PGM1: variants seen among roughly 807,000 people sequenced by gnomAD.
The protein encoded by PGM1 is phosphoglucomutase-1.
Under a neutral mutation model 55.6 loss-of-function variants are expected in PGM1, and 52 were observed. That is an observed-to-expected ratio of 0.94 (90% CI 0.75 to 1.18). PGM1 has a LOEUF of 1.18. Among genes scored for constraint, PGM1 ranks in the 50% most tolerant of loss-of-function variants. PGM1 has a pLI of 0.00. For missense variants in PGM1, 724 were observed against 729.3 expected, an observed-to-expected ratio of 0.99 and a Z score of 0.08; for synonymous variants, 287 against 271.7, an observed-to-expected ratio of 1.06 and a Z score of -0.55.
intron 1 of PGM1, chr1:63,623,819 G>C: frequency 8.2e-7 from 1 of 1,214,346 alleles, no homozygotes; most frequent in Non-Finnish European, 1.2e-6. Context: ...TAATTTTACA[G>C]AAGTATACAA....
At position 63,651,288 on chromosome 1, in the gene PGM1, C is replaced by T. The variant is rs539662669; in HGVS notation, c.1281-381C>T. On this transcript the variant is annotated intron_variant, in intron 8 of 10. Coordinates refer to ENST00000371084, the MANE Select transcript of PGM1 (RefSeq NM_002633.3). Reference sequence around the variant, plus strand: ...GCTTGGAGGAGAAGTGCCTGAGTCACGTGCTCCTTTCAAGAGAGTTCTCCA... The same window carrying T: ...GCTTGGAGGAGAAGTGCCTGAGTCATGTGCTCCTTTCAAGAGAGTTCTCCA... 11 of 227,874 alleles carry T rather than the reference C, an allele frequency of 4.8e-5. No homozygotes were observed. The East Asian group carries it at 1.1e-3, about 23-fold the overall frequency. The allele number at this position is 227,874 out of a possible 1,614,324, so 14.1% of individuals were successfully genotyped here.
intron 1 of PGM1, among the ~76,000 whole-genome samples, chr1:63,595,990 C>T (rs1428188451): frequency 6.6e-6 from 1 of 152,188 alleles, no homozygotes; most frequent in African/African-American, 2.4e-5. Context: ...CTTCTGCCCC[C>T]TCCACTACTC....
chr1:63,655,270 G>A (rs576656593), intron 10 of PGM1, among the ~76,000 whole-genome samples: 1 of 152,092 alleles, frequency 6.6e-6, no homozygotes, highest in South Asian at 2.1e-4. Context: ...GTGAGCCACT[G>A]CACCCAACCC....
At chr1:63,635,961 C>T (rs1016481281) in intron 5 of PGM1, among the ~76,000 whole-genome samples, 2 of 152,320 alleles carry the variant, frequency 1.3e-5, no homozygotes, top group Admixed American at 6.5e-5. Flanking sequence ...AGTTAGCTGG[C>T]CTCTGGAGGG....
rs773364404 is a variant in PGM1, at chr1:63,629,994, T to C, written c.462T>C (p.Ile154=). 6.2e-7 allele frequency: 1 copy of C among 1,614,034 alleles called. No individual in the cohort carries two copies. The highest frequency in any genetic ancestry group is 1.1e-5 in the South Asian group (1 of 91,088). The part of the protein sequence containing the change: ...TDKIFQISKT[I]EEYAVCPDLK... Reference sequence around the variant, plus strand: ...AAATTTTCCAAATCAGCAAGACAATTGAAGAATATGCAGTTTGCCCTGACC... The same window carrying C: ...AAATTTTCCAAATCAGCAAGACAATCGAAGAATATGCAGTTTGCCCTGACC... Residue 154 remains isoleucine, a synonymous_variant, in exon 3 of 11, where the codon ATT becomes ATC. Coordinates refer to ENST00000371084, the MANE Select transcript of PGM1 (RefSeq NM_002633.3).
rs371814836 is a variant in PGM1, at chr1:63,659,693, G to A, written c.*18G>A. The A allele has an allele frequency of 6.3e-7, 1 of 1,586,962 alleles. No homozygotes were observed. The highest frequency in any genetic ancestry group is 1.1e-5 in the South Asian group (1 of 90,540). ...TCACCTAAGAAGACAGGCCTGATGT[G>A]GTACGTCCCTCCACCCCCGGACCCA... is the stretch of plus-strand genomic sequence containing the variant. On this transcript the variant is annotated 3_prime_UTR_variant, in exon 11 of 11. Transcript: ENST00000371084.
chr1:63,640,709 T>C (rs991927296), intron 7 of PGM1, among the ~76,000 whole-genome samples: 3 of 152,188 alleles, frequency 2.0e-5, no homozygotes, highest in African/African-American at 7.2e-5. Flanking sequence ...GCTGCTCCTC[T>C]TACACAACAG....
chr1:63,620,546 C>T (rs1463127097), intron 1 of PGM1, among the ~76,000 whole-genome samples: 2 of 152,182 alleles, frequency 1.3e-5, no homozygotes, highest in African/African-American at 4.8e-5. Flanking sequence ...GGCCAGCCCT[C>T]ACATGGGGCC....
In PGM1 at chr1:63,648,547, T is replaced by A; in HGVS notation, c.1175T>A (p.Leu392Gln). Residue 392 changes from leucine (L) to glutamine (Q), a missense_variant, in exon 8 of 11, where the codon CTG (leucine) becomes CAG (glutamine). By Grantham distance (113) the Leu-to-Gln change is moderately radical. Around this residue, in one of 3 missense-constraint regions of PGM1, gnomAD observed 316 missense variants for 313.1 expected, o/e 1.01. Transcript: ENST00000371084. ...GACCACATCCGTGAGAAAGATGGAC[T>A]GTGGGCTGTCCTTGCCTGGCTCTCC... is the stretch of plus-strand genomic sequence containing the variant. ...GSDHIREKDG[L>Q]WAVLAWLSIL... is the part of the protein sequence containing the mutation. The A allele has an allele frequency of 6.2e-7, 1 of 1,614,082 alleles. No individual in the cohort carries two copies. The highest frequency in any genetic ancestry group is 8.5e-7 in the Non-Finnish European group (1 of 1,179,952).
chr1:63,593,647 G>A lies in PGM1; in HGVS notation c.159G>A (p.Gln53=), dbSNP rs370087543. The A allele has an allele frequency of 4.3e-6, 7 of 1,610,988 alleles. No individual in the cohort carries two copies. Among genetic ancestry groups the A allele is most frequent in the Admixed American group, 1.7e-5 (1 of 59,728 alleles). Reference sequence around the variant, plus strand: ...CCACCGTGGAGCCGGCGCAGCGGCAGGAGGCCACGCTGGTGGTGGGCGGGG... The same window carrying A: ...CCACCGTGGAGCCGGCGCAGCGGCAAGAGGCCACGCTGGTGGTGGGCGGGG... The part of the protein sequence containing the change: ...IISTVEPAQR[Q]EATLVVGGDG... Residue 53 remains glutamine, a synonymous_variant, in exon 1 of 11, where the codon CAG becomes CAA. Coordinates refer to ENST00000371084, the MANE Select transcript of PGM1 (RefSeq NM_002633.3).
intron 4 of PGM1, 59 bp downstream of exon 4, chr1:63,631,841 G>T: frequency 6.5e-7 from 1 of 1,532,600 alleles, no homozygotes. Context: ...GCCCTCTTCT[G>T]TGTGTATCAT....
intron 1 of PGM1, among the ~76,000 whole-genome samples, chr1:63,628,981 C>G (rs1040237350): frequency 6.6e-6 from 1 of 152,276 alleles, no homozygotes. Flanking sequence ...TTTAAAAAAG[C>G]CTTCTCTTTG....
intron 3 of PGM1, among the ~76,000 whole-genome samples, chr1:63,630,403 A>G (rs959529311): frequency 6.6e-6 from 1 of 152,194 alleles, no homozygotes; most frequent in African/African-American, 2.4e-5. Flanking sequence ...ACCTCTTGCT[A>G]CATGCCAAGG....
At chr1:63,614,008 G>A (rs1648643079) in intron 1 of PGM1, among the ~76,000 whole-genome samples, 2 of 152,182 alleles carry the variant, frequency 1.3e-5, no homozygotes, top group South Asian at 2.1e-4. Flanking sequence ...AGCAACTCGT[G>A]TAACTTCTTT....
chr1:63,649,940 C>T (rs953165879), intron 8 of PGM1, among the ~76,000 whole-genome samples: 8 of 152,116 alleles, frequency 5.3e-5, no homozygotes, highest in African/African-American at 1.9e-4. Context: ...TGCATAAATA[C>T]GTTTTGAACC....
At chr1:63,633,866 CTGTGTGTGTGTGTGTGTGTGTGTG>C (rs58094821) in intron 4 of PGM1, among the ~76,000 whole-genome samples, 6 of 73,398 alleles carry the variant, frequency 8.2e-5, no homozygotes, top group African/African-American at 1.1e-4. Context: ...GTCTGTGTCT[CTGTGTGTGTGTGTGTGTGTGTGTG>C]TGTGTGTGTG....
intron 7 of PGM1, among the ~76,000 whole-genome samples, chr1:63,647,261 TATATATATATATATA>T (rs1557441378): frequency 6.2e-5 from 3 of 48,470 alleles, no homozygotes; most frequent in African/African-American, 1.3e-4. Flanking sequence ...AAATTTTACA[TATATATATATATATA>T]TATATATATA....
chr1:63,656,571 G>GGTGT (rs10629750), intron 10 of PGM1, among the ~76,000 whole-genome samples: 22,285 of 144,154 alleles, frequency 0.15, 1,760 homozygotes, highest in East Asian at 0.21. Flanking sequence ...AAGACATTGT[G>GGTGT]GTGTGTGTGT....
At chr1:63,651,473 T>C (rs1359135683) in intron 8 of PGM1, 196 bp from the exon 9 acceptor site, 1 of 583,034 alleles carries the variant, frequency 1.7e-6, no homozygotes, top group Non-Finnish European at 3.1e-6. Context: ...TTCCCTGAAA[T>C]CCTCCAAACC....
Sources: allele counts gnomAD v4.1 joint callset (sites outside exome capture counted in the v4.1 genomes callset), GRCh38; gene constraint gnomAD v4.1.1; regional missense constraint gnomAD v4.1.1; transcripts MANE v1.5; gene names NCBI Gene and HGNC (gene_info 2026-07-23, HGNC 2026-07-21).